Variants in SMYD3 observed in about 807,000 individuals in gnomAD.
The protein encoded by SMYD3 is histone-lysine N-methyltransferase SMYD3.
In SMYD3, 36 loss-of-function variants were observed where a neutral mutation model predicts 57.7. That is an observed-to-expected ratio of 0.62 (90% CI 0.48 to 0.82). SMYD3 has a LOEUF of 0.82. SMYD3 is among the 40% of genes least tolerant of loss of function. SMYD3 has a pLI of 0.00. For synonymous variants in SMYD3, 211 were observed against 195.0 expected (o/e 1.08, Z -0.68); for missense variants, 515 against 538.8 (o/e 0.96, Z 0.44).
intron 1 of SMYD3, among the ~76,000 whole-genome samples, chr1:246,406,029 T>A (rs2066861570): frequency 1.3e-5 from 2 of 152,144 alleles, no homozygotes; most frequent in South Asian, 4.2e-4. Flanking sequence ...CTCCTGTAGG[T>A]TAAATCGCTG....
chr1:246,015,135 T>G (rs1232188543), intron 5 of SMYD3, among the ~76,000 whole-genome samples: 1 of 152,112 alleles, frequency 6.6e-6, no homozygotes, highest in Non-Finnish European at 1.5e-5. Context: ...CCCTTTCCCC[T>G]AAGAAGAAGG....
At position 245,947,981 on chromosome 1, in the gene SMYD3, G is replaced by A. The variant is rs78667549; in HGVS notation, c.532-18044C>T. Reference sequence around the variant, plus strand: ...TTGGCCAAATTCAGAGGAGATTCACGCCTCTGAATCTCCTAGGTCCATCCG... The same window carrying A: ...TTGGCCAAATTCAGAGGAGATTCACACCTCTGAATCTCCTAGGTCCATCCG... On this transcript the variant is annotated intron_variant, in intron 5 of 11. Transcript: ENST00000490107. Among the ~76,000 whole-genome samples the A allele has an allele frequency of 6.8e-3, 1,028 of 152,158 alleles. 12 individuals are homozygous for A. Among genetic ancestry groups the A allele is most frequent in the Non-Finnish European group, 0.01 (704 of 67,990 alleles).
intron 5 of SMYD3, among the ~76,000 whole-genome samples, chr1:246,181,773 G>A (rs1390322630): frequency 1.3e-5 from 2 of 152,144 alleles, no homozygotes; most frequent in Admixed American, 6.5e-5. Flanking sequence ...TCTACAACCC[G>A]TGTGCCAAGC....
Position 245,775,583 on chromosome 1 carries a change from G to T in SMYD3, c.1077-11434C>A, listed in dbSNP as rs1041295477. 3.3e-5 allele frequency among the ~76,000 whole-genome samples: 5 copies of T among 151,324 alleles called. No homozygotes were observed. In the South Asian group the frequency reaches 1.1e-3, roughly 32 times the overall value. On this transcript the variant is annotated intron_variant, in intron 10 of 11. Transcript: ENST00000490107. ...AGGGACACAAACACTGCGGAAGGCC[G>T]CAGGGTCCTCTGCCTAGGAAAACCA... is the stretch of plus-strand genomic sequence containing the variant.
rs547230550 is a variant in SMYD3, at chr1:245,878,769, G to T, written c.814-14883C>A. 5.3e-5 allele frequency among the ~76,000 whole-genome samples: 8 copies of T among 152,292 alleles called. No homozygotes were observed. The South Asian group carries it at 1.7e-3, about 32-fold the overall frequency. ...TTTCACAGCCCCATTGCATTACAGG[G>T]GCCTGAACTGCAGGAATATACTGTT... On this transcript the variant is annotated intron_variant, in intron 8 of 11. Coordinates refer to ENST00000490107, the MANE Select transcript of SMYD3 (RefSeq NM_001167740.2).
chr1:246,458,428 A>G (rs1338420328), intron 1 of SMYD3, among the ~76,000 whole-genome samples: 1 of 149,146 alleles, frequency 6.7e-6, no homozygotes, highest in Non-Finnish European at 1.5e-5. Flanking sequence ...CTTCAAGTAG[A>G]AAAGTCATTC....
intron 1 of SMYD3, among the ~76,000 whole-genome samples, chr1:246,454,854 A>G (rs1471589593): frequency 6.6e-6 from 1 of 152,176 alleles, no homozygotes; most frequent in African/African-American, 2.4e-5. Context: ...TGGGACTGAA[A>G]TCAAGTTTGT....
rs564495615 is a variant in SMYD3 at position 246,040,543 on chromosome 1, CCAAA to C, written c.532-110610_532-110607del. On this transcript the variant is annotated intron_variant, in intron 5 of 11. Coordinates refer to ENST00000490107, the MANE Select transcript of SMYD3 (RefSeq NM_001167740.2). ...AATTAACCCAAAATGCAGCCAGCCA[CCAAA>C]CAGAGAAACAATTTAAGTTTAGCCA... Among the ~76,000 whole-genome samples the C allele has an allele frequency of 3.4e-4, 52 of 152,294 alleles. 1 individual carries two copies. The South Asian group carries it at 1.0e-2, about 29-fold the overall frequency.
intron 5 of SMYD3, among the ~76,000 whole-genome samples, chr1:246,118,831 T>A (rs1430336593): frequency 7.8e-6 from 1 of 127,984 alleles, no homozygotes; most frequent in Non-Finnish European, 1.8e-5. Flanking sequence ...TTTTTTTGGC[T>A]CTTCTGCCTT....
Position 246,395,747 on chromosome 1 carries a change from C to A in SMYD3, c.165-40653G>T, listed in dbSNP as rs376630017. The stretch of plus-strand genomic sequence containing the variant: ...CACCAGTCAGACAGGGAAGACGAAC[C>A]CACCACAGTCAGACAGGGAAGAGGA... On this transcript the variant is annotated intron_variant, in intron 1 of 11. Transcript: ENST00000490107. Among the ~76,000 whole-genome samples the A allele has an allele frequency of 6.9e-4, 99 of 142,950 alleles. 15 individuals carry two copies. The South Asian group carries it at 0.013, about 19-fold the overall frequency. The allele number at this position is 142,950 out of a possible 152,430, so 93.8% of individuals were successfully genotyped here. A position where few individuals can be genotyped will look rare whatever the true frequency, so the allele number is the denominator to read the frequency against.
chr1:246,041,333 A>G (rs1388818919), intron 5 of SMYD3, among the ~76,000 whole-genome samples: 1 of 152,182 alleles, frequency 6.6e-6, no homozygotes, highest in Non-Finnish European at 1.5e-5. Flanking sequence ...TAGAGTCCCC[A>G]CAGAGTGAAA....
rs181853383 is a variant in SMYD3, at chr1:246,088,255, C to T, written c.532-158318G>A. Among the ~76,000 whole-genome samples, 423 of 152,180 alleles carry T rather than the reference C, an allele frequency of 2.8e-3. 4 individuals carry two copies. Among genetic ancestry groups the T allele is most frequent in the African/African-American group, 9.8e-3 (405 of 41,506 alleles). ...TCTCTCTCTCTTTCTCTCTCTCTCT[C>T]CCTCTCTCCTTCTTTCTCTTTCTTT... On this transcript the variant is annotated intron_variant, in intron 5 of 11. Transcript: ENST00000490107.
At chr1:246,242,514 C>T (rs2063631880) in intron 5 of SMYD3, among the ~76,000 whole-genome samples, 1 of 151,846 alleles carries the variant, frequency 6.6e-6, no homozygotes, top group Admixed American at 6.6e-5. Context: ...CTGAGACCAT[C>T]GATGCTAGGA....
At position 246,267,511 on chromosome 1, in the gene SMYD3, G is replaced by T. The variant is rs190181501; in HGVS notation, c.531+59690C>A. 2.0e-5 allele frequency among the ~76,000 whole-genome samples: 3 copies of T among 152,174 alleles called. No individual in the cohort carries two copies. In the East Asian group the frequency reaches 5.8e-4, roughly 29 times the overall value. ...AAGTTTTCATTTGAACTTACTCCTC[G>T]TCCTCAAATGCCAGCAAACTGTTCC... On this transcript the variant is annotated intron_variant, in intron 5 of 11. Coordinates refer to ENST00000490107, the MANE Select transcript of SMYD3 (RefSeq NM_001167740.2).
chr1:245,848,568 C>T (rs564959400), intron 10 of SMYD3, among the ~76,000 whole-genome samples: 18 of 152,118 alleles, frequency 1.2e-4, no homozygotes, highest in African/African-American at 3.4e-4. Context: ...ACCACCACCA[C>T]GCCCATCTAC....
chr1:246,469,769 T>C (rs971851937), intron 1 of SMYD3, among the ~76,000 whole-genome samples: 3 of 152,094 alleles, frequency 2.0e-5, no homozygotes, highest in African/African-American at 7.2e-5. Context: ...ATGTTAACTC[T>C]ATGGAGGAAA....
intron 5 of SMYD3, among the ~76,000 whole-genome samples, chr1:245,953,866 G>T (rs901674958): frequency 6.6e-6 from 1 of 152,204 alleles, no homozygotes; most frequent in Admixed American, 6.5e-5. Context: ...GTTCAATGCT[G>T]AATAAGATTA....
At chr1:246,405,200 T>C (rs760424311) in intron 1 of SMYD3, among the ~76,000 whole-genome samples, 12 of 152,112 alleles carry the variant, frequency 7.9e-5, no homozygotes, top group Non-Finnish European at 1.5e-4. Context: ...GATCTGCTCA[T>C]TTCAGCCTCC....
chr1:246,277,397 T>C (rs2064355794), intron 5 of SMYD3, among the ~76,000 whole-genome samples: 1 of 152,188 alleles, frequency 6.6e-6, no homozygotes. Context: ...CTGACTGGAA[T>C]GCATCATCAC....
Sources: gnomAD v4.1 joint callset for allele counts (sites outside exome capture counted in the v4.1 genomes callset) on GRCh38, gnomAD v4.1.1 for gene constraint, MANE v1.5 for transcripts, NCBI Gene and HGNC (gene_info 2026-07-23, HGNC 2026-07-21) for gene names.